Variants in SLC22A23 observed in about 807,000 individuals in gnomAD.
SLC22A23 encodes the protein ion transporter protein.
SLC22A23 carries 26 observed loss-of-function variants against 61.0 expected under a neutral mutation model. That is an observed-to-expected ratio of 0.43 (90% CI 0.31 to 0.59). The LOEUF (loss-of-function observed/expected upper bound fraction) is 0.59. SLC22A23 is among the 20% of genes least tolerant of loss of function. The probability of loss-of-function intolerance (pLI) is 0.11; values close to 1 mark genes in which losing one functional copy is unlikely to be tolerated. For missense variants in SLC22A23, 796 were observed against 934.7 expected, an observed-to-expected ratio of 0.85 and a Z score of 1.94; for synonymous variants, 430 against 413.9, an observed-to-expected ratio of 1.04 and a Z score of -0.47.
In SLC22A23 at chr6:3,410,168, T is replaced by A. The variant is rs780048124; in HGVS notation, c.913+20A>T. On this transcript the variant is annotated intron_variant, in intron 3 of 9. Coordinates refer to ENST00000406686, the MANE Select transcript of SLC22A23 (RefSeq NM_015482.2). This position sits in a 1 kb window ranked among gnomAD's most constrained non-coding sequence, Gnocchi z 5.0. The stretch of plus-strand genomic sequence containing the variant: ...TTTTGCTAAATTCTTTCAAGACTAG[T>A]CGTGAAGGCTCCTACTTACGTAAAG... 2 of 1,599,214 alleles carry A rather than the reference T, an allele frequency of 1.3e-6. No individual in the cohort carries two copies. Among genetic ancestry groups the A allele is most frequent in the South Asian group, 2.3e-5 (2 of 88,288 alleles).
intron 6 of SLC22A23, among the ~76,000 whole-genome samples, chr6:3,288,875 G>A (rs536892952): frequency 6.6e-6 from 1 of 152,210 alleles, no homozygotes; most frequent in East Asian, 1.9e-4. Context: ...TTGGGCAGTA[G>A]AGCCTCTTGT....
rs551647428 is a variant in SLC22A23, at chr6:3,408,443, C to A, written c.913+1745G>T. Among the ~76,000 whole-genome samples, 6 of 152,348 alleles carry A rather than the reference C, an allele frequency of 3.9e-5. No individual in the cohort carries two copies. In the South Asian group the frequency reaches 6.2e-4, roughly 16 times the overall value. The stretch of plus-strand genomic sequence containing the variant: ...AGGTGGAAACAATGCCGTTCAGGTA[C>A]AATTCACTCCTGGTCTGGCTTCATT... On this transcript the variant is annotated intron_variant, in intron 3 of 9. Coordinates refer to ENST00000406686, the MANE Select transcript of SLC22A23 (RefSeq NM_015482.2).
intron 3 of SLC22A23, among the ~76,000 whole-genome samples, chr6:3,394,044 C>G (rs528399722): frequency 6.6e-6 from 1 of 152,298 alleles, no homozygotes; most frequent in African/African-American, 2.4e-5. Context: ...GCAATGACCC[C>G]CTGCAGAGAA....
chr6:3,346,122 G>T (rs1764421136), intron 3 of SLC22A23, among the ~76,000 whole-genome samples: 1 of 152,150 alleles, frequency 6.6e-6, no homozygotes, highest in African/African-American at 2.4e-5. Flanking sequence ...TTCCTGCCTT[G>T]AACTGCTCAA....
chr6:3,389,535 G>A (rs1767532367), intron 3 of SLC22A23, among the ~76,000 whole-genome samples: 1 of 152,172 alleles, frequency 6.6e-6, no homozygotes. Context: ...CAGGGAGGTG[G>A]GGCGAGGAAC....
Position 3,372,835 on chromosome 6 carries a change from C to T in SLC22A23, c.913+37353G>A, listed in dbSNP as rs1459551845. Among the ~76,000 whole-genome samples, 3 of 152,186 alleles carry T rather than the reference C, an allele frequency of 2.0e-5. No homozygotes were observed. The highest frequency in any genetic ancestry group is 1.9e-4 in the East Asian group (1 of 5,200). ...TCTCTTTCTCTTCATTATATTTCAT[C>T]GCCAAACATTTATGAAATACTTAAA... On this transcript the variant is annotated intron_variant, in intron 3 of 9. Transcript: ENST00000406686. This position sits in a 1 kb window ranked among gnomAD's most constrained non-coding sequence, Gnocchi z 4.7.
At chr6:3,391,002 A>G (rs1394192303) in intron 3 of SLC22A23, among the ~76,000 whole-genome samples, 1 of 152,180 alleles carries the variant, frequency 6.6e-6, no homozygotes, top group Admixed American at 6.5e-5. Context: ...GTGATGAAAA[A>G]TTTCTCAAAC....
chr6:3,456,405 G>A lies in SLC22A23; in HGVS notation c.155C>T (p.Pro52Leu). Reference sequence around the variant, plus strand: ...GCCTCCAGGATGCAGTGGGGGCAGCGGCTGGATCTCCGCGCCGCCGCCGGG... The same window carrying A: ...GCCTCCAGGATGCAGTGGGGGCAGCAGCTGGATCTCCGCGCCGCCGCCGGG... Reference protein sequence around the residue: ...AGPGGGAEIQPLPPLHPGGGP... With the variant: ...AGPGGGAEIQLLPPLHPGGGP... The change falls in exon 1 of 10, where the codon CCG becomes CTG. Residue 52 changes from proline to leucine, a missense_variant. Coordinates refer to ENST00000406686, the MANE Select transcript of SLC22A23 (RefSeq NM_015482.2). The surrounding 1 kb of genome is among the most constrained non-coding windows in gnomAD (Gnocchi z 7.1). 2 of 1,440,172 alleles carry A rather than the reference G, an allele frequency of 1.4e-6. No homozygotes were observed. The highest frequency in any genetic ancestry group is 1.9e-4 in the Middle Eastern group (1 of 5,222). The allele number at this position is 1,440,172 out of a possible 1,614,324, so 89.2% of individuals were successfully genotyped here.
At chr6:3,356,100 C>CG (rs1304661025) in intron 3 of SLC22A23, among the ~76,000 whole-genome samples, 20 of 674 alleles carry the variant, frequency 0.03, 6 homozygotes, top group African/African-American at 0.048. Flanking sequence ...CGGGAGGAGG[C>CG]GGGGGTGGGT....
chr6:3,355,611 C>T (rs923871668), intron 3 of SLC22A23, among the ~76,000 whole-genome samples: 6 of 152,118 alleles, frequency 3.9e-5, no homozygotes, highest in African/African-American at 1.2e-4. Context: ...TAGGTCTGGG[C>T]CCTCCCGCCC....
At position 3,285,101 on chromosome 6, in the gene SLC22A23, CT is replaced by C. The variant is rs1561865410; in HGVS notation, c.1556del (p.Lys519SerfsTer10). 1 of 1,613,504 alleles carries C rather than the reference CT, an allele frequency of 6.2e-7. No homozygotes were observed. Among genetic ancestry groups the C allele is most frequent in the Admixed American group, 1.7e-5 (1 of 59,954 alleles). On this transcript the variant is annotated frameshift_variant, in exon 8 of 10. Coordinates refer to ENST00000406686, the MANE Select transcript of SLC22A23 (RefSeq NM_015482.2). LOFTEE classifies it high-confidence loss of function. ...LQLGLLNLIG[K>X]YSQHPDSGMS... ...CACCTGAGTCTGGGTGCTGGCTGTA[CT>C]TTCCAATCACTGGACCCGCAGACAT...
chr6:3,292,260 C>T (rs111850562), intron 5 of SLC22A23, among the ~76,000 whole-genome samples: 41 of 152,226 alleles, frequency 2.7e-4, no homozygotes, highest in Non-Finnish European at 4.6e-4. Context: ...TTCTCCCATC[C>T]GGCCCTCAAG....
At chr6:3,353,640 T>C (rs1050209527) in intron 3 of SLC22A23, among the ~76,000 whole-genome samples, 1 of 152,210 alleles carries the variant, frequency 6.6e-6, no homozygotes, top group Non-Finnish European at 1.5e-5. Flanking sequence ...AGTCAACCAC[T>C]GCCTTTCCAG....
At position 3,415,909 on chromosome 6, in the gene SLC22A23, C is replaced by G. The variant is rs1293810082; in HGVS notation, c.655-54G>C. 2.2e-6 allele frequency: 3 copies of G among 1,341,112 alleles called. No homozygotes were observed. The Admixed American group carries it at 5.9e-5, about 27-fold the overall frequency. 83.1% of individuals were successfully genotyped at this position (1,341,112 alleles called of 1,614,324 possible). A position where few individuals can be genotyped will look rare whatever the true frequency, so the allele number is the denominator to read the frequency against. ...AGAGAGAAACATACACAGAGCTAGTCGTACTCAATTATAAGGGCAATACAA... is the reference window on the plus strand; with the variant it reads ...AGAGAGAAACATACACAGAGCTAGTGGTACTCAATTATAAGGGCAATACAA... On this transcript the variant is annotated intron_variant, in intron 1 of 9. Transcript: ENST00000406686.
chr6:3,437,528 A>T (rs1347575957), intron 1 of SLC22A23, among the ~76,000 whole-genome samples: 2 of 151,212 alleles, frequency 1.3e-5, no homozygotes, highest in African/African-American at 4.9e-5. Flanking sequence ...ACAAAAAAAA[A>T]TTAAAAAAAA....
intron 3 of SLC22A23, among the ~76,000 whole-genome samples, chr6:3,364,361 A>C (rs1765669607): frequency 6.6e-6 from 1 of 152,202 alleles, no homozygotes; most frequent in African/African-American, 2.4e-5. Flanking sequence ...TAAATTACTC[A>C]AAGTTACAGA....
At chr6:3,444,971 G>A (rs1238776217) in intron 1 of SLC22A23, 8 of 985,406 alleles carry the variant, frequency 8.1e-6, no homozygotes, top group South Asian at 4.7e-5. Context: ...CCCACCAAGG[G>A]GAGGAAGGAA....
rs377404779 is a variant in SLC22A23 at position 3,323,799 on chromosome 6, G to A, written c.1082+35C>T. On this transcript the variant is annotated intron_variant, in intron 4 of 9. Transcript: ENST00000406686. ...GGGCCTTCAGGAAGCATGTGCAGTC[G>A]CACCAGCCCAGGGCGCTGTGCAGAG... 835 of 1,581,474 alleles carry A rather than the reference G, an allele frequency of 5.3e-4. 1 individual carries two copies. Among genetic ancestry groups the A allele is most frequent in the Non-Finnish European group, 6.5e-4 (758 of 1,159,094 alleles).
chr6:3,364,013 C>T (rs1765647055), intron 3 of SLC22A23, among the ~76,000 whole-genome samples: 1 of 152,208 alleles, frequency 6.6e-6, no homozygotes, highest in South Asian at 2.1e-4. Flanking sequence ...GGCCCATGGG[C>T]CCACACAACA....
Sources: allele counts gnomAD v4.1 joint callset (sites outside exome capture counted in the v4.1 genomes callset), GRCh38; gene constraint gnomAD v4.1.1; non-coding constraint Gnocchi (gnomAD v3.1); transcripts MANE v1.5; gene names NCBI Gene and HGNC (gene_info 2026-07-23, HGNC 2026-07-21).